The following GRIA4 variants were observed in gnomAD, a reference collection of about 807,000 sequenced individuals.
The protein encoded by GRIA4 is glutamate receptor 4.
A neutral mutation model predicts 104.0 loss-of-function variants in GRIA4; 34 were observed. The observed-to-expected ratio is 0.33, with a 90% confidence interval of 0.25 to 0.44. The LOEUF is 0.44. Ranked by LOEUF, GRIA4 falls within the 20% of genes least tolerant of loss-of-function variation. The pLI, the probability that GRIA4 is intolerant of heterozygous loss-of-function variation, is 1.00. For missense variants in GRIA4, 750 were observed against 1,096.5 expected (o/e 0.68, Z 4.46); for synonymous variants, 386 against 381.9 (o/e 1.01, Z -0.13).
chr11:105,907,450 T>C (rs550081115), intron 9 of GRIA4, among the ~76,000 whole-genome samples: 123 of 152,308 alleles, frequency 8.1e-4, no homozygotes, highest in African/African-American at 2.8e-3. Context: ...CAATCATTCT[T>C]GTAAATTGAA....
At chr11:105,617,833 A>G (rs975780596) in intron 3 of GRIA4, among the ~76,000 whole-genome samples, 3 of 152,072 alleles carry the variant, frequency 2.0e-5, no homozygotes, top group African/African-American at 7.2e-5. Flanking sequence ...GCCCAGTGGG[A>G]AAGAGAGACA....
intron 4 of GRIA4, among the ~76,000 whole-genome samples, chr11:105,801,447 G>A (rs912430060): frequency 4.0e-5 from 6 of 151,896 alleles, no homozygotes; most frequent in Admixed American, 2.0e-4. Flanking sequence ...AAAGTAATAT[G>A]TTTATCTGAA....
chr11:105,973,000 C>T (rs1836175379), intron 15 of GRIA4, among the ~76,000 whole-genome samples: 1 of 152,160 alleles, frequency 6.6e-6, no homozygotes, highest in Non-Finnish European at 1.5e-5. Context: ...GGCCTTATCC[C>T]TATATTTTAA....
intron 4 of GRIA4, among the ~76,000 whole-genome samples, chr11:105,859,430 T>TA (rs1373662933): frequency 6.6e-6 from 1 of 152,236 alleles, no homozygotes; most frequent in Admixed American, 6.5e-5. Flanking sequence ...TTTGTAAATC[T>TA]AAAAAATCAG....
chr11:105,618,491 A>T (rs556991689), intron 3 of GRIA4, among the ~76,000 whole-genome samples: 1 of 152,078 alleles, frequency 6.6e-6, no homozygotes, highest in East Asian at 1.9e-4. Flanking sequence ...TCTGTGTGGG[A>T]GGGTGCAGGG....
At chr11:105,953,604 CTG>C (rs1467922497) in intron 14 of GRIA4, among the ~76,000 whole-genome samples, 8 of 148,454 alleles carry the variant, frequency 5.4e-5, no homozygotes, top group Non-Finnish European at 7.4e-5. Flanking sequence ...TCTGGGAAAA[CTG>C]TAGCACATAT....
At chr11:105,978,238 C>A (rs1301620894) in intron 16 of GRIA4, among the ~76,000 whole-genome samples, 3 of 152,018 alleles carry the variant, frequency 2.0e-5, no homozygotes, top group East Asian at 3.8e-4. Flanking sequence ...GACAGAAGGA[C>A]TTTGATTTCA....
chr11:105,729,751 C>A (rs1208426990), intron 3 of GRIA4, among the ~76,000 whole-genome samples: 4 of 152,112 alleles, frequency 2.6e-5, no homozygotes, highest in Admixed American at 6.6e-5. Context: ...GAACCAATAT[C>A]AAAAACCACA....
chr11:105,614,895 CA>C (rs1173208040), intron 3 of GRIA4, among the ~76,000 whole-genome samples: 3 of 151,940 alleles, frequency 2.0e-5, no homozygotes, highest in African/African-American at 7.2e-5. Flanking sequence ...AAATATAAGG[CA>C]ACCTCATTTA....
At chr11:105,756,154 G>A in intron 4 of GRIA4, among the ~76,000 whole-genome samples, 1 of 152,222 alleles carries the variant, frequency 6.6e-6, no homozygotes, top group East Asian at 1.9e-4. Flanking sequence ...AAGTAATATA[G>A]GAGGATGACA....
At chr11:105,937,974 A>AG (rs1340256571) in intron 14 of GRIA4, among the ~76,000 whole-genome samples, 1 of 152,036 alleles carries the variant, frequency 6.6e-6, no homozygotes. Context: ...ATAGCACGGC[A>AG]GGGGGAGGAA....
rs1469923337 is a variant in GRIA4, at chr11:105,980,009, T to A, written c.*270T>A. ...GGGGAGGGATCTGGGATGGGTGTAT[T>A]AACAGCAACAAATTTCATTCGAGTG... On this transcript the variant is annotated 3_prime_UTR_variant, in exon 17 of 17. Coordinates refer to ENST00000282499, the MANE Select transcript of GRIA4 (RefSeq NM_000829.4). 1 of 338,974 alleles carries A rather than the reference T, an allele frequency of 3.0e-6. No homozygotes were observed. 21.0% of individuals were successfully genotyped at this position (338,974 alleles called of 1,614,324 possible).
chr11:105,689,765 G>T (rs986722900), intron 3 of GRIA4, among the ~76,000 whole-genome samples: 3 of 152,130 alleles, frequency 2.0e-5, no homozygotes, highest in Non-Finnish European at 4.4e-5. Context: ...CTTTTCCTTA[G>T]TATCCGCAAG....
chr11:105,955,445 A>T (rs1371368993), intron 14 of GRIA4, among the ~76,000 whole-genome samples: 1 of 152,158 alleles, frequency 6.6e-6, no homozygotes, highest in Non-Finnish European at 1.5e-5. Flanking sequence ...CCTGCAAAGG[A>T]CATAATCTCA....
intron 5 of GRIA4, among the ~76,000 whole-genome samples, chr11:105,883,152 CT>C (rs1204858414): frequency 6.6e-6 from 1 of 152,094 alleles, no homozygotes; most frequent in East Asian, 1.9e-4. Flanking sequence ...CAATTAGTCA[CT>C]TCTCTTAAAC....
intron 5 of GRIA4, among the ~76,000 whole-genome samples, chr11:105,873,972 T>C (rs1591379160): frequency 1.3e-5 from 2 of 152,332 alleles, no homozygotes; most frequent in Middle Eastern, 3.4e-3. Flanking sequence ...TTTGGTGTTT[T>C]AGTCATGAAG....
intron 3 of GRIA4, among the ~76,000 whole-genome samples, chr11:105,632,552 T>G (rs1951061636): frequency 6.6e-6 from 1 of 152,212 alleles, no homozygotes. Context: ...TCTTTGAGTT[T>G]CAGAGTCTAA....
chr11:105,960,620 C>G (rs583454), intron 14 of GRIA4, among the ~76,000 whole-genome samples: 107,973 of 151,588 alleles, frequency 0.71, 38,450 homozygotes, highest in Middle Eastern at 0.78. Flanking sequence ...GGAGCTGAAA[C>G]AGCTTCGACA....
At chr11:105,752,143 A>C (rs1329178447) in intron 3 of GRIA4, among the ~76,000 whole-genome samples, 2 of 152,156 alleles carry the variant, frequency 1.3e-5, no homozygotes, top group African/African-American at 4.8e-5. Flanking sequence ...AATTTTGAGA[A>C]GAATCTTTTT....
Sources: allele counts gnomAD v4.1 joint callset (sites outside exome capture counted in the v4.1 genomes callset), GRCh38; gene constraint gnomAD v4.1.1; transcripts MANE v1.5; gene names NCBI Gene and HGNC (gene_info 2026-07-23, HGNC 2026-07-21).